The following FN1 variants were observed in gnomAD, a reference collection of about 807,000 sequenced individuals.
FN1 encodes the protein fibronectin 1.
A neutral mutation model predicts 297.3 loss-of-function variants in FN1; 106 were observed. That is an observed-to-expected ratio of 0.36 (90% CI 0.30 to 0.42). The LOEUF is 0.42. Among genes scored for constraint, FN1 ranks in the 10% least tolerant of loss-of-function variants. FN1 has a pLI of 1.00. For synonymous variants in FN1, 1,149 were observed against 1,152.6 expected, an observed-to-expected ratio of 1.00 and a Z score of 0.06; for missense variants, 2,690 against 3,124.9, an observed-to-expected ratio of 0.86 and a Z score of 3.32.
chr2:215,419,571 AC>A (rs1559548055), intron 11 of FN1, among the ~76,000 whole-genome samples, 186 bp from the exon 12 acceptor site: 2 of 151,296 alleles, frequency 1.3e-5, no homozygotes, highest in African/African-American at 4.8e-5. Flanking sequence ...TAAAAAAAAA[AC>A]CAAAGTACCT....
Position 215,409,985 on chromosome 2 carries a change from C to T in FN1, c.2071G>A (p.Glu691Lys). Residue 691 changes from glutamate to lysine, a missense_variant, in exon 14 of 46, where the codon GAA becomes AAA. Glu to Lys is a moderately conservative substitution (Grantham distance 56, BLOSUM62 1). This residue lies in a region of FN1 where 876 missense variants were observed against 1,058.1 expected (regional missense o/e 0.83). Transcript: ENST00000354785. ...LISIQQYGHQ[E>K]VTRFDFTTTS... is the part of the protein sequence containing the mutation. ...GTGGTGAAGTCAAAGCGAGTCACTT[C>T]TTGGTGGCCGTACTGCTGGATGCTG... 1 of 1,613,982 alleles carries T rather than the reference C, an allele frequency of 6.2e-7. No homozygotes were observed.
At chr2:215,401,268 A>AAGGAAGGAAGGAAGGAAAGGAAAGGT (rs1437571807) in intron 20 of FN1, among the ~76,000 whole-genome samples, 1 of 85,422 alleles carries the variant, frequency 1.2e-5, no homozygotes, top group African/African-American at 4.8e-5. Context: ...GAAAGGAAGG[A>AAGGAAGGAAGGAAGGAAAGGAAAGGT]AAGGAAAGGA....
Position 215,370,383 on chromosome 2 carries a change from C to T in FN1, c.6764G>A (p.Arg2255Lys), listed in dbSNP as rs2055649771. The change falls in exon 41 of 46, where the codon AGA becomes AAA. Residue 2255 changes from arginine to lysine, a missense_variant. Arg to Lys is a conservative substitution (Grantham distance 26, BLOSUM62 2). Transcript: ENST00000354785. ...STSATLTGLT[R>K]GATYNVIVEA... ...CACTATGACGTTGTAGGTGGCACCT[C>T]TGGTGAGGCCTGTCAGAGTGGCACT... The T allele has an allele frequency of 3.1e-6, 5 of 1,613,592 alleles. No homozygotes were observed. The highest frequency in any genetic ancestry group is 2.5e-6 in the Non-Finnish European group (3 of 1,179,650).
rs1459087073 is a variant in FN1 at position 215,372,381 on chromosome 2, C to T, written c.6248-6G>A. On this transcript the variant is annotated splice_polypyrimidine_tract_variant and splice_region_variant and intron_variant, in intron 39 of 45. Coordinates refer to ENST00000354785, the MANE Select transcript of FN1 (RefSeq NM_212482.4). Reference sequence around the variant, plus strand: ...TACCAGTTGGGGAAGCTCGTCTAGCCGAGAGAGGTTAGAGCCAAAAAAGCA... The same window carrying T: ...TACCAGTTGGGGAAGCTCGTCTAGCTGAGAGAGGTTAGAGCCAAAAAAGCA... 4.3e-6 allele frequency: 7 copies of T among 1,612,774 alleles called. No individual in the cohort carries two copies. The highest frequency in any genetic ancestry group is 1.7e-5 in the Admixed American group (1 of 59,978).
chr2:215,391,833 G>A lies in FN1; in HGVS notation c.4070-19C>T. ...GGAACAGCTGGTTTCGAACAAGAAG[G>A]AAGACTCAGTTAATGTAATTTTAAA... On this transcript the variant is annotated intron_variant, in intron 25 of 45. Transcript: ENST00000354785. 7 of 1,611,754 alleles carry A rather than the reference G, an allele frequency of 4.3e-6. No homozygotes were observed. The highest frequency in any genetic ancestry group is 5.9e-6 in the Non-Finnish European group (7 of 1,177,854).
At position 215,394,665 on chromosome 2, in the gene FN1, G is replaced by T. The variant is rs764928095; in HGVS notation, c.3659C>A (p.Ser1220Tyr). The T allele has an allele frequency of 4.3e-6, 7 of 1,613,934 alleles. No homozygotes were observed. The Admixed American group carries it at 5.0e-5, about 12-fold the overall frequency. The change falls in exon 24 of 46, where the codon TCT (serine) becomes TAT (tyrosine). Residue 1220 changes from serine (S) to tyrosine (Y), a missense_variant. Ser to Tyr is a moderately radical substitution (Grantham distance 144). Coordinates refer to ENST00000354785, the MANE Select transcript of FN1 (RefSeq NM_212482.4). ...TTPTNGQQGNSLEEVVHADQS... is the reference protein window; with the variant it reads ...TTPTNGQQGNYLEEVVHADQS... ...ATCAGCATGGACCACTTCTTCCAAAGAATTTCCCTGCTGGCCGTTTGTAGG... is the reference window on the plus strand; with the variant it reads ...ATCAGCATGGACCACTTCTTCCAAATAATTTCCCTGCTGGCCGTTTGTAGG...
intron 41 of FN1, among the ~76,000 whole-genome samples, chr2:215,369,872 G>C (rs930168095): frequency 6.6e-6 from 1 of 152,204 alleles, no homozygotes; most frequent in Non-Finnish European, 1.5e-5. Context: ...TGCAGAAGGG[G>C]TATTTTCTTT....
chr2:215,397,544 G>C, intron 22 of FN1, 136 bp downstream of exon 22: 1 of 756,614 alleles, frequency 1.3e-6, no homozygotes, highest in Non-Finnish European at 2.3e-6. Context: ...TTCAGGAATA[G>C]CATTAATAAT....
At chr2:215,420,402 G>T (rs1310205606) in intron 11 of FN1, among the ~76,000 whole-genome samples, 2 of 151,696 alleles carry the variant, frequency 1.3e-5, no homozygotes, top group Non-Finnish European at 2.9e-5. Flanking sequence ...TTAATAGCAT[G>T]GATTATCTTT....
At chr2:215,377,089 T>A (rs1005734016) in intron 35 of FN1, among the ~76,000 whole-genome samples, 167 of 148,676 alleles carry the variant, frequency 1.1e-3, no homozygotes, top group South Asian at 8.4e-4. Flanking sequence ...AGAGTGTGTG[T>A]GTGTGTGTGT....
At chr2:215,428,538 G>T (rs1281083294) in intron 5 of FN1, among the ~76,000 whole-genome samples, 200 bp from the exon 6 acceptor site, 2 of 152,154 alleles carry the variant, frequency 1.3e-5, no homozygotes, top group Non-Finnish European at 2.9e-5. Context: ...GAATGGTTTA[G>T]TCTAGTTTCA....
intron 36 of FN1, 137 bp from the exon 37 acceptor site, chr2:215,375,855 G>C (rs2057189553): frequency 1.4e-6 from 1 of 698,686 alleles, no homozygotes; most frequent in Non-Finnish European, 2.7e-6. Flanking sequence ...CATTTGAACA[G>C]TAAAGTAGAG....
chr2:215,392,055 T>C, intron 25 of FN1: 18 of 488,542 alleles, frequency 3.7e-5, no homozygotes, highest in South Asian at 3.6e-4. Flanking sequence ...TAAAAAAAAT[T>C]TTAATCTACT....
At chr2:215,394,434 TAGTTGACACCCTTA>T in intron 24 of FN1, 80 bp downstream of exon 24, 2 of 1,092,256 alleles carry the variant, frequency 1.8e-6, no homozygotes, top group Non-Finnish European at 2.8e-6. Flanking sequence ...ATCCCAAATA[TAGTTGACACCCTTA>T]AGCATCTGGG....
Position 215,375,611 on chromosome 2 carries a change from A to T in FN1, c.5977+18T>A, listed in dbSNP as rs2057140465. 7 of 1,552,932 alleles carry T rather than the reference A, an allele frequency of 4.5e-6. No homozygotes were observed. In the African/African-American group the frequency reaches 9.5e-5, roughly 21 times the overall value. Reference sequence around the variant, plus strand: ...GCATACAAGTCAATGGCATTTCCTCAGTAGAAGGTATAGTTACCAGTGGAG... The same window carrying T: ...GCATACAAGTCAATGGCATTTCCTCTGTAGAAGGTATAGTTACCAGTGGAG... On this transcript the variant is annotated intron_variant, in intron 37 of 45. Coordinates refer to ENST00000354785, the MANE Select transcript of FN1 (RefSeq NM_212482.4).
At chr2:215,389,642 T>C (rs1559424863) in intron 26 of FN1, among the ~76,000 whole-genome samples, 3 of 151,846 alleles carry the variant, frequency 2.0e-5, no homozygotes, top group Non-Finnish European at 4.4e-5. Context: ...ACAAAAAAAT[T>C]AGCTGGGCGT....
At chr2:215,362,105 A>G (rs1163459200) in intron 44 of FN1, 26 bp from the exon 45 acceptor site, 16 of 1,551,468 alleles carry the variant, frequency 1.0e-5, no homozygotes, top group Non-Finnish European at 8.9e-6. Context: ...CATGAAGTCA[A>G]ATGGGGTTTA....
rs184475268 is a variant in FN1 at position 215,388,739 on chromosome 2, A to G, written c.4253-438T>C. On this transcript the variant is annotated intron_variant, in intron 26 of 45. Transcript: ENST00000354785. ...AATTTCTTGTCATACAACGTACTGC[A>G]TATCTTTAAAGTGATGGGTTTTTAC... Among the ~76,000 whole-genome samples the G allele has an allele frequency of 5.3e-4, 80 of 152,362 alleles. No homozygotes were observed. In the Middle Eastern group the frequency reaches 0.014, roughly 26 times the overall value.
intron 35 of FN1, among the ~76,000 whole-genome samples, chr2:215,377,388 A>G (rs2057484137): frequency 6.6e-6 from 1 of 152,082 alleles, no homozygotes; most frequent in African/African-American, 2.4e-5. Context: ...ATGGGGGCAG[A>G]TCCCTTGTGG....
Sources: gnomAD v4.1 joint callset for allele counts (sites outside exome capture counted in the v4.1 genomes callset) on GRCh38, gnomAD v4.1.1 for gene constraint, gnomAD v4.1.1 regional missense constraint, MANE v1.5 for transcripts, NCBI Gene and HGNC (gene_info 2026-07-23, HGNC 2026-07-21) for gene names.